Variants in ACTN1 observed in about 807,000 individuals in gnomAD.
ACTN1 encodes actinin alpha 1, also known as alpha-actinin-1.
In ACTN1, 30 loss-of-function variants were observed where a neutral mutation model predicts 119.6. The observed-to-expected ratio is 0.25, with a 90% CI of 0.19 to 0.34. The LOEUF (loss-of-function observed/expected upper bound fraction) is 0.34, where lower values mean the gene tolerates loss of function less well. ACTN1 is among the 10% of genes least tolerant of loss of function. ACTN1 has a pLI of 1.00. For missense variants in ACTN1, 764 were observed against 1,223.4 expected (o/e 0.62, Z 5.60); for synonymous variants, 429 against 472.6 (o/e 0.91, Z 1.20).
intron 8 of ACTN1, among the ~76,000 whole-genome samples, chr14:68,899,542 CCAT>C (rs1313023281): frequency 3.3e-5 from 5 of 151,688 alleles, no homozygotes; most frequent in Non-Finnish European, 7.4e-5. Context: ...CACACACACC[CCAT>C]ATCTCACCCA....
chr14:68,881,936 C>CCTTTTTTTTTTTTTTTTTT (rs2031552165), intron 16 of ACTN1, among the ~76,000 whole-genome samples: 15 of 58,398 alleles, frequency 2.6e-4, no homozygotes, highest in African/African-American at 1.4e-3. Flanking sequence ...TAGGCAGCTT[C>CCTTTTTTTTTTTTTTTTTT]TTTTTTTTTT....
chr14:68,944,381 C>T (rs1374326226), intron 1 of ACTN1, among the ~76,000 whole-genome samples: 1 of 152,194 alleles, frequency 6.6e-6, no homozygotes, highest in African/African-American at 2.4e-5. Flanking sequence ...ACAGACTCGC[C>T]CAGGCTCCAG....
intron 3 of ACTN1, among the ~76,000 whole-genome samples, chr14:68,915,739 G>A (rs1182969445): frequency 2.0e-5 from 3 of 152,236 alleles, no homozygotes; most frequent in Non-Finnish European, 4.4e-5. Flanking sequence ...GATGAGGCCA[G>A]ACGCAGTGGC....
At position 68,880,127 on chromosome 14, in the gene ACTN1, C is replaced by A; in HGVS notation, c.2134-19G>T. Reference sequence around the variant, plus strand: ...GGATGTGCTGCAGGACGGCAAGGGGCCTGTCAGCAAAGGGGTCCCAGGCCT... The same window carrying A: ...GGATGTGCTGCAGGACGGCAAGGGGACTGTCAGCAAAGGGGTCCCAGGCCT... On this transcript the variant is annotated intron_variant, in intron 17 of 21. Coordinates refer to ENST00000394419, the MANE Select transcript of ACTN1 (RefSeq NM_001130004.2). This position sits in a 1 kb window ranked among gnomAD's most constrained non-coding sequence, Gnocchi z 4.6. The A allele has an allele frequency of 6.2e-7, 1 of 1,611,522 alleles. No individual in the cohort carries two copies. The highest frequency in any genetic ancestry group is 1.3e-5 in the African/African-American group (1 of 75,000).
rs558335832 is a variant in ACTN1, at chr14:68,879,456, T to C, written c.2281-387A>G. Reference sequence around the variant, plus strand: ...GCACCCAAGCCCATGCTCCCACGCCTTGGGACCGCCCGCAAGCCCCAGGGC... The same window carrying C: ...GCACCCAAGCCCATGCTCCCACGCCCTGGGACCGCCCGCAAGCCCCAGGGC... On this transcript the variant is annotated intron_variant, in intron 18 of 21. Transcript: ENST00000394419. The surrounding 1 kb of genome is among the most constrained non-coding windows in gnomAD (Gnocchi z 4.9). Among the ~76,000 whole-genome samples the C allele has an allele frequency of 3.6e-4, 55 of 152,248 alleles. 1 individual carries two copies. The highest frequency in any genetic ancestry group is 1.3e-3 in the African/African-American group (53 of 41,548).
Position 68,882,686 on chromosome 14 carries a change from G to A in ACTN1, c.1819-94C>T, listed in dbSNP as rs1271737741. On this transcript the variant is annotated intron_variant, in intron 15 of 21. Transcript: ENST00000394419. The surrounding 1 kb of genome is among the most constrained non-coding windows in gnomAD (Gnocchi z 4.5). ...TGGAGGACCCAGAAGGGGAAGGGCC[G>A]GTCAGTAACAGAACAGGAGTAAAGG... The A allele has an allele frequency of 4.1e-5, 64 of 1,568,302 alleles. No individual in the cohort carries two copies. Among genetic ancestry groups the A allele is most frequent in the Middle Eastern group, 3.4e-4 (2 of 5,936 alleles).
At chr14:68,916,044 A>G (rs972964244) in intron 3 of ACTN1, among the ~76,000 whole-genome samples, 5 of 152,260 alleles carry the variant, frequency 3.3e-5, no homozygotes, top group African/African-American at 1.2e-4. Flanking sequence ...CAATGAACGC[A>G]GACATTAATG....
chr14:68,966,108 T>C (rs1166507685), intron 1 of ACTN1, among the ~76,000 whole-genome samples: 1 of 151,896 alleles, frequency 6.6e-6, no homozygotes, highest in Non-Finnish European at 1.5e-5. Context: ...GCCCACCTAC[T>C]TGGGAAACTG....
At position 68,950,462 on chromosome 14, in the gene ACTN1, G is replaced by GTGTGTGTGTGTGTGTGTATA; in HGVS notation, c.106-24791_106-24790insTATACACACACACACACACA. 9.1e-4 allele frequency among the ~76,000 whole-genome samples: 114 copies of GTGTGTGTGTGTGTGTGTATA among 125,928 alleles called. 6 individuals carry two copies. Among genetic ancestry groups the GTGTGTGTGTGTGTGTGTATA allele is most frequent in the African/African-American group, 4.6e-3 (113 of 24,326 alleles). 82.6% of individuals were successfully genotyped at this position (125,928 alleles called of 152,430 possible). ...TTTACCATAATATATATGCGTGTGT[G>GTGTGTGTGTGTGTGTGTATA]TATATATATATATATAAATCAAACA... On this transcript the variant is annotated intron_variant, in intron 1 of 21. Transcript: ENST00000394419.
rs981640245 is a variant in ACTN1 at position 68,925,416 on chromosome 14, C to T, written c.220+142G>A. On this transcript the variant is annotated intron_variant, in intron 2 of 21. Coordinates refer to ENST00000394419, the MANE Select transcript of ACTN1 (RefSeq NM_001130004.2). The surrounding 1 kb of genome is among the most constrained non-coding windows in gnomAD (Gnocchi z 4.3). ...GCAGCAGAACCAGAACTCAGACCCA[C>T]GCTCCTAGGATGAATTCATACATGT... 4 of 453,648 alleles carry T rather than the reference C, an allele frequency of 8.8e-6. No individual in the cohort carries two copies. Among genetic ancestry groups the T allele is most frequent in the Admixed American group, 4.4e-5 (1 of 22,622 alleles). 28.1% of individuals were successfully genotyped at this position (453,648 alleles called of 1,614,324 possible).
At chr14:68,901,265 T>G (rs2033312239) in intron 8 of ACTN1, among the ~76,000 whole-genome samples, 1 of 136,158 alleles carries the variant, frequency 7.3e-6, no homozygotes, top group South Asian at 2.2e-4. Context: ...TTTTTTTTTT[T>G]GAGACAGAGT....
In ACTN1 at chr14:68,880,818, T is replaced by C. The variant is rs1197821412; in HGVS notation, c.2125A>G (p.Thr709Ala). 3 of 1,613,768 alleles carry C rather than the reference T, an allele frequency of 1.9e-6. No individual in the cohort carries two copies. In the African/African-American group the frequency reaches 4.0e-5, roughly 22 times the overall value. The change falls in exon 17 of 22, where the codon ACC (threonine) becomes GCC (alanine). Residue 709 changes from threonine to alanine, a missense_variant. Thr to Ala is a moderately conservative substitution (Grantham distance 58, BLOSUM62 0). Coordinates refer to ENST00000394419, the MANE Select transcript of ACTN1 (RefSeq NM_001130004.2). This position sits in a 1 kb window ranked among gnomAD's most constrained non-coding sequence, Gnocchi z 4.6. ...AGGCCAGCCCCACCCACCTCCATGG[T>C]GTAGTTGGTGTGCTTGTTGTCGAAG... ...LIFDNKHTNY[T>A]MEHIRVGWEQ... is the part of the protein sequence containing the mutation.
chr14:68,914,047 A>C (rs2140311174), intron 3 of ACTN1, among the ~76,000 whole-genome samples: 1 of 151,588 alleles, frequency 6.6e-6, no homozygotes, highest in East Asian at 2.0e-4. Flanking sequence ...ACATGACAAA[A>C]CCCCATCTCT....
chr14:68,945,338 T>C (rs2035911576), intron 1 of ACTN1, among the ~76,000 whole-genome samples: 2 of 150,744 alleles, frequency 1.3e-5, no homozygotes, highest in African/African-American at 4.9e-5. Flanking sequence ...ACTAGCCACA[T>C]GGGTGTTCGG....
intron 1 of ACTN1, 95 bp downstream of exon 1, chr14:68,978,857 G>C: frequency 3.7e-6 from 3 of 819,654 alleles, no homozygotes; most frequent in Non-Finnish European, 5.3e-6. Flanking sequence ...GCCCGGAACC[G>C]GTTCAGAGCC....
intron 8 of ACTN1, among the ~76,000 whole-genome samples, chr14:68,896,438 A>G (rs934110340): frequency 6.6e-6 from 1 of 152,122 alleles, no homozygotes; most frequent in African/African-American, 2.4e-5. Flanking sequence ...CGATCCCGGG[A>G]GCAGAAGGAA....
intron 1 of ACTN1, 37 bp downstream of exon 1, chr14:68,978,915 G>T (rs764292076): frequency 7.0e-7 from 1 of 1,425,748 alleles, no homozygotes; most frequent in East Asian, 2.6e-5. Context: ...TGGGGGCTGG[G>T]GGCTGGGGGC....
At chr14:68,972,983 C>T (rs760315098) in intron 1 of ACTN1, among the ~76,000 whole-genome samples, 1 of 152,188 alleles carries the variant, frequency 6.6e-6, no homozygotes, top group African/African-American at 2.4e-5. Context: ...ATGGTGCATG[C>T]GGAAGGGGCC....
intron 14 of ACTN1, 148 bp from the exon 15 acceptor site, chr14:68,883,203 G>C: frequency 1.2e-6 from 1 of 825,950 alleles, no homozygotes; most frequent in East Asian, 2.5e-5. Context: ...AGGATGGCAG[G>C]TATGGCCACA....
Sources: allele counts gnomAD v4.1 joint callset (sites outside exome capture counted in the v4.1 genomes callset), GRCh38; gene constraint gnomAD v4.1.1; non-coding constraint Gnocchi (gnomAD v3.1); transcripts MANE v1.5; gene names NCBI Gene and HGNC (gene_info 2026-07-23, HGNC 2026-07-21).